PEX3: variants seen among roughly 807,000 people sequenced by gnomAD.
PEX3 encodes peroxin-3.
In PEX3, 30 loss-of-function variants were observed where a neutral mutation model predicts 55.8. That is an observed-to-expected ratio of 0.54 (90% CI 0.40 to 0.73). The LOEUF (loss-of-function observed/expected upper bound fraction) is 0.73, where lower values mean the gene tolerates loss of function less well. Ranked by LOEUF, PEX3 falls within the 30% of genes least tolerant of loss-of-function variation. The pLI is 0.00. For missense variants in PEX3, 351 were observed against 432.8 expected, an observed-to-expected ratio of 0.81 and a Z score of 1.68; for synonymous variants, 135 against 148.4, an observed-to-expected ratio of 0.91 and a Z score of 0.66.
intron 8 of PEX3, among the ~76,000 whole-genome samples, chr6:143,473,779 G>A (rs1780108798): frequency 1.3e-5 from 2 of 152,086 alleles, no homozygotes; most frequent in Non-Finnish European, 2.9e-5. Context: ...GGCTGAGGAG[G>A]AAGGATTTTT....
At position 143,454,948 on chromosome 6, in the gene PEX3, A is replaced by C. The variant is rs1037311872; in HGVS notation, c.73+3833A>C. 1.3e-4 allele frequency among the ~76,000 whole-genome samples: 20 copies of C among 152,240 alleles called. No individual in the cohort carries two copies. Among genetic ancestry groups the C allele is most frequent in the African/African-American group, 4.8e-4 (20 of 41,460 alleles). ...TATGAAGCCATTCTACATAATTTGG[A>C]CATTATCCTTTGTATTGGTGCTTGC... On this transcript the variant is annotated intron_variant, in intron 1 of 11. Coordinates refer to ENST00000367591, the MANE Select transcript of PEX3 (RefSeq NM_003630.3). The surrounding 1 kb of genome is among the most constrained non-coding windows in gnomAD (Gnocchi z 4.3).
chr6:143,463,374 G>A lies in PEX3; in HGVS notation c.287+377G>A, dbSNP rs2128745896. Among the ~76,000 whole-genome samples, 1 of 152,268 alleles carries A rather than the reference G, an allele frequency of 6.6e-6. No homozygotes were observed. The highest frequency in any genetic ancestry group is 1.9e-4 in the East Asian group (1 of 5,184). ...CTGAAAGAGCTTACGGTGTAATACA[G>A]CATGTGAACATACGTTTTAAATAAA... On this transcript the variant is annotated intron_variant, in intron 3 of 11. Transcript: ENST00000367591. This position sits in a 1 kb window ranked among gnomAD's most constrained non-coding sequence, Gnocchi z 5.7.
chr6:143,484,991 T>TA, intron 10 of PEX3, 161 bp from the exon 11 acceptor site: 1 of 611,728 alleles, frequency 1.6e-6, no homozygotes, highest in African/African-American at 1.9e-5. Context: ...TGATGTCAAT[T>TA]AGAGTTGTTA....
In PEX3 at chr6:143,454,619, C is replaced by T. The variant is rs1779817498; in HGVS notation, c.73+3504C>T. Among the ~76,000 whole-genome samples, 2 of 152,172 alleles carry T rather than the reference C, an allele frequency of 1.3e-5. No individual in the cohort carries two copies. Among genetic ancestry groups the T allele is most frequent in the Admixed American group, 1.3e-4 (2 of 15,284 alleles). ...GAATAAGACAGATCCTGACTTTGAA[C>T]TCATGGTACAGAAATGGAAATAAAA... On this transcript the variant is annotated intron_variant, in intron 1 of 11. Coordinates refer to ENST00000367591, the MANE Select transcript of PEX3 (RefSeq NM_003630.3). This position sits in a 1 kb window ranked among gnomAD's most constrained non-coding sequence, Gnocchi z 4.3.
In PEX3 at chr6:143,488,847, AACAGAT is replaced by A; in HGVS notation, c.1039-293_1039-288del. On this transcript the variant is annotated intron_variant, in intron 11 of 11. Transcript: ENST00000367591. This position sits in a 1 kb window ranked among gnomAD's most constrained non-coding sequence, Gnocchi z 4.9. ...CCTTTACTCCTACAATTATTTATTC[AACAGAT>A]ACCTATCTAGCACTTGACATACACC... 6.6e-6 allele frequency among the ~76,000 whole-genome samples: 1 copy of A among 152,228 alleles called. No individual in the cohort carries two copies. Among genetic ancestry groups the A allele is most frequent in the South Asian group, 2.1e-4 (1 of 4,820 alleles).
In PEX3 at chr6:143,466,838, T is replaced by G. The variant is rs1779999225; in HGVS notation, c.288-1284T>G. The stretch of plus-strand genomic sequence containing the variant: ...GAAAGTTTAAGCATTTTTTAAGTCG[T>G]CATCTATGAAGAAGGGAGAAAATGA... On this transcript the variant is annotated intron_variant, in intron 3 of 11. Transcript: ENST00000367591. The surrounding 1 kb of genome is among the most constrained non-coding windows in gnomAD (Gnocchi z 5.4). 6.6e-6 allele frequency among the ~76,000 whole-genome samples: 1 copy of G among 151,998 alleles called. No homozygotes were observed. Among genetic ancestry groups the G allele is most frequent in the South Asian group, 2.1e-4 (1 of 4,834 alleles).
Position 143,483,650 on chromosome 6 carries a change from G to A in PEX3, c.942-1502G>A, listed in dbSNP as rs1780272690. Reference sequence around the variant, plus strand: ...CTGCTGGAGAGTTTTGAGCAGGAGAGTGATGTAATGGAATTTACATTGTAT... The same window carrying A: ...CTGCTGGAGAGTTTTGAGCAGGAGAATGATGTAATGGAATTTACATTGTAT... On this transcript the variant is annotated intron_variant, in intron 10 of 11. Coordinates refer to ENST00000367591, the MANE Select transcript of PEX3 (RefSeq NM_003630.3). This position sits in a 1 kb window ranked among gnomAD's most constrained non-coding sequence, Gnocchi z 4.3. 6.6e-6 allele frequency among the ~76,000 whole-genome samples: 1 copy of A among 152,160 alleles called. No homozygotes were observed. The highest frequency in any genetic ancestry group is 1.5e-5 in the Non-Finnish European group (1 of 68,002).
chr6:143,457,872 T>A (rs1442838342), intron 1 of PEX3, among the ~76,000 whole-genome samples: 1 of 152,240 alleles, frequency 6.6e-6, no homozygotes, highest in African/African-American at 2.4e-5. Context: ...ATTCTAGCTG[T>A]AGGATTTGGT....
rs1363923979 is a variant in PEX3 at position 143,486,583 on chromosome 6, A to G, written c.1038+1335A>G. On this transcript the variant is annotated intron_variant, in intron 11 of 11. Transcript: ENST00000367591. This position sits in a 1 kb window ranked among gnomAD's most constrained non-coding sequence, Gnocchi z 5.0. ...ATTGATTGACAAGGCTATTACAATT[A>G]TAGTTTAATTTTTTAAACTATAATT... 6.6e-6 allele frequency among the ~76,000 whole-genome samples: 1 copy of G among 152,220 alleles called. No homozygotes were observed. Among genetic ancestry groups the G allele is most frequent in the African/African-American group, 2.4e-5 (1 of 41,472 alleles).
rs1453518910 is a variant in PEX3 at position 143,454,557 on chromosome 6, G to C, written c.73+3442G>C. Among the ~76,000 whole-genome samples, 2 of 152,180 alleles carry C rather than the reference G, an allele frequency of 1.3e-5. No individual in the cohort carries two copies. The highest frequency in any genetic ancestry group is 1.3e-4 in the Admixed American group (2 of 15,276). On this transcript the variant is annotated intron_variant, in intron 1 of 11. Coordinates refer to ENST00000367591, the MANE Select transcript of PEX3 (RefSeq NM_003630.3). The surrounding 1 kb of genome is among the most constrained non-coding windows in gnomAD (Gnocchi z 4.3). ...AACAAACATTTGAATGAGAGTAAGT[G>C]ACTGATCTCACTGTACTTTACTCTG...
chr6:143,471,267 A>G lies in PEX3; in HGVS notation c.457-116A>G, dbSNP rs1780069489. On this transcript the variant is annotated intron_variant, in intron 5 of 11. Coordinates refer to ENST00000367591, the MANE Select transcript of PEX3 (RefSeq NM_003630.3). This position sits in a 1 kb window ranked among gnomAD's most constrained non-coding sequence, Gnocchi z 5.4. ...TAGAATTTTTGGTGTGTTAAAAATT[A>G]CTATTTTTCCCGTCATTTCAGATCT... 1.9e-6 allele frequency: 2 copies of G among 1,049,956 alleles called. No individual in the cohort carries two copies. The highest frequency in any genetic ancestry group is 2.8e-5 in the South Asian group (2 of 71,420). The allele number at this position is 1,049,956 out of a possible 1,614,324, so 65.0% of individuals were successfully genotyped here.
chr6:143,474,197 C>G (rs992151882), intron 8 of PEX3, among the ~76,000 whole-genome samples: 1 of 151,834 alleles, frequency 6.6e-6, no homozygotes, highest in South Asian at 2.1e-4. Flanking sequence ...CGCCTGTAAT[C>G]CCAGCACTTT....
chr6:143,470,584 T>C (rs1454865361), intron 4 of PEX3, among the ~76,000 whole-genome samples: 1 of 152,222 alleles, frequency 6.6e-6, no homozygotes, highest in Non-Finnish European at 1.5e-5. Context: ...CGGGCTGCCA[T>C]TGAAGGCTAG....
In PEX3 at chr6:143,488,938, T is replaced by C. The variant is rs1265116177; in HGVS notation, c.1039-205T>C. On this transcript the variant is annotated intron_variant, in intron 11 of 11. Coordinates refer to ENST00000367591, the MANE Select transcript of PEX3 (RefSeq NM_003630.3). The surrounding 1 kb of genome is among the most constrained non-coding windows in gnomAD (Gnocchi z 4.9). The stretch of plus-strand genomic sequence containing the variant: ...CCTCAAAGTCACACTTGAACGCTTA[T>C]GATACCATCATCCCTCATATAAGAA... Among the ~76,000 whole-genome samples, 3 of 152,172 alleles carry C rather than the reference T, an allele frequency of 2.0e-5. No homozygotes were observed. Among genetic ancestry groups the C allele is most frequent in the Non-Finnish European group, 2.9e-5 (2 of 67,988 alleles).
chr6:143,463,596 A>C lies in PEX3; in HGVS notation c.287+599A>C, dbSNP rs550075129. On this transcript the variant is annotated intron_variant, in intron 3 of 11. Transcript: ENST00000367591. The surrounding 1 kb of genome is among the most constrained non-coding windows in gnomAD (Gnocchi z 5.7). Reference sequence around the variant, plus strand: ...GGTATGATACTGTATTAGTTTGAGAAGACTTCCAGCAGGAAATGGCTTCTT... The same window carrying C: ...GGTATGATACTGTATTAGTTTGAGACGACTTCCAGCAGGAAATGGCTTCTT... Among the ~76,000 whole-genome samples the C allele has an allele frequency of 3.2e-4, 49 of 151,430 alleles. No individual in the cohort carries two copies. In the South Asian group the frequency reaches 9.9e-3, roughly 30 times the overall value.
Position 143,466,127 on chromosome 6 carries a change from T to G in PEX3, c.288-1995T>G, listed in dbSNP as rs1779988391. 6.6e-6 allele frequency among the ~76,000 whole-genome samples: 1 copy of G among 152,060 alleles called. No homozygotes were observed. Among genetic ancestry groups the G allele is most frequent in the Non-Finnish European group, 1.5e-5 (1 of 67,916 alleles). On this transcript the variant is annotated intron_variant, in intron 3 of 11. Coordinates refer to ENST00000367591, the MANE Select transcript of PEX3 (RefSeq NM_003630.3). The surrounding 1 kb of genome is among the most constrained non-coding windows in gnomAD (Gnocchi z 5.4). ...CATACAATGGTGTACTACACGTTGG[T>G]TAGAAGAGAAAAGTGGCTACCATCT...
intron 10 of PEX3, among the ~76,000 whole-genome samples, chr6:143,480,892 G>C (rs1334865301): frequency 6.6e-6 from 1 of 151,984 alleles, no homozygotes; most frequent in Admixed American, 6.6e-5. Flanking sequence ...CATGCCTGTA[G>C]TCCCAGCTAA....
intron 2 of PEX3, among the ~76,000 whole-genome samples, chr6:143,461,762 C>T (rs1437901471): frequency 6.6e-6 from 1 of 152,078 alleles, no homozygotes; most frequent in Non-Finnish European, 1.5e-5. Context: ...GCTTGAGCAA[C>T]ATAGTGAGAC....
chr6:143,458,635 A>T lies in PEX3; in HGVS notation c.74-450A>T, dbSNP rs1005395521. Among the ~76,000 whole-genome samples the T allele has an allele frequency of 2.0e-5, 3 of 152,178 alleles. No individual in the cohort carries two copies. The highest frequency in any genetic ancestry group is 7.2e-5 in the African/African-American group (3 of 41,450). On this transcript the variant is annotated intron_variant, in intron 1 of 11. Coordinates refer to ENST00000367591, the MANE Select transcript of PEX3 (RefSeq NM_003630.3). This position sits in a 1 kb window ranked among gnomAD's most constrained non-coding sequence, Gnocchi z 6.1. ...CCTATTTTTTGTATCTGTTTCCATT[A>T]AAAAAAGTAACATTTCTGGGATCTT...
Sources: allele counts gnomAD v4.1 joint callset (sites outside exome capture counted in the v4.1 genomes callset), GRCh38; gene constraint gnomAD v4.1.1; non-coding constraint Gnocchi (gnomAD v3.1); transcripts MANE v1.5; gene names NCBI Gene and HGNC (gene_info 2026-07-23, HGNC 2026-07-21).